Variants in TM2D1 observed in about 807,000 individuals in gnomAD.
TM2D1 encodes the protein TM2 domain-containing protein 1.
In TM2D1, 15 loss-of-function variants were observed where a neutral mutation model predicts 28.4. The observed-to-expected ratio is 0.53, with a 90% CI of 0.35 to 0.81. The LOEUF (loss-of-function observed/expected upper bound fraction) is 0.81. TM2D1 is among the 40% of genes least tolerant of loss of function. TM2D1 has a pLI of 0.01. For missense variants in TM2D1, 236 were observed against 254.9 expected, an observed-to-expected ratio of 0.93 and a Z score of 0.50; for synonymous variants, 93 against 96.2, an observed-to-expected ratio of 0.97 and a Z score of 0.20.
intron 4 of TM2D1, among the ~76,000 whole-genome samples, chr1:61,695,531 C>T (rs1260332566): frequency 1.3e-5 from 2 of 152,090 alleles, no homozygotes; most frequent in Non-Finnish European, 2.9e-5. Flanking sequence ...GAGTTTCTTA[C>T]AAGACATCTC....
intron 3 of TM2D1, among the ~76,000 whole-genome samples, chr1:61,704,286 C>T (rs1644425462): frequency 6.6e-6 from 1 of 151,546 alleles, no homozygotes; most frequent in African/African-American, 2.4e-5. Context: ...ATGAGAGAAG[C>T]CAAAGGGATG....
intron 2 of TM2D1, among the ~76,000 whole-genome samples, chr1:61,719,569 T>C (rs2148068734): frequency 6.6e-6 from 1 of 152,112 alleles, no homozygotes; most frequent in Non-Finnish European, 1.5e-5. Context: ...CTTGGCTCAC[T>C]GCAACCTCCA....
At chr1:61,721,416 C>T (rs2148070585) in intron 2 of TM2D1, among the ~76,000 whole-genome samples, 1 of 151,874 alleles carries the variant, frequency 6.6e-6, no homozygotes, top group African/African-American at 2.4e-5. Context: ...GTGGTGCACG[C>T]CTATAATCCC....
At chr1:61,690,456 C>CAAAAAAAAAA (rs762550068) in intron 5 of TM2D1, among the ~76,000 whole-genome samples, 14 of 60,024 alleles carry the variant, frequency 2.3e-4, no homozygotes, top group African/African-American at 3.8e-4. Flanking sequence ...GACTCAGTCT[C>CAAAAAAAAAA]AAAAAAAAAA....
intron 6 of TM2D1, among the ~76,000 whole-genome samples, chr1:61,682,751 G>C (rs1023755249): frequency 6.6e-6 from 1 of 152,006 alleles, no homozygotes; most frequent in Non-Finnish European, 1.5e-5. Flanking sequence ...AAGTTACCCG[G>C]GCATGGTGGT....
intron 2 of TM2D1, among the ~76,000 whole-genome samples, chr1:61,721,329 G>C (rs1415758959): frequency 6.6e-6 from 1 of 151,970 alleles, no homozygotes; most frequent in Non-Finnish European, 1.5e-5. Context: ...ATCACCTGAG[G>C]TCAGGACTTC....
At chr1:61,706,473 C>T (rs919795499) in intron 3 of TM2D1, among the ~76,000 whole-genome samples, 4 of 151,018 alleles carry the variant, frequency 2.6e-5, no homozygotes, top group African/African-American at 7.3e-5. Flanking sequence ...GCTGGGATTA[C>T]AGGTGTGAGC....
intron 4 of TM2D1, among the ~76,000 whole-genome samples, chr1:61,700,507 CA>C (rs1644393682): frequency 6.6e-6 from 1 of 152,188 alleles, no homozygotes; most frequent in Non-Finnish European, 1.5e-5. Flanking sequence ...ACCAAAGTTC[CA>C]ACCCCAACTT....
At chr1:61,709,295 A>T (rs531372886) in intron 3 of TM2D1, 34 bp downstream of exon 3, 12 of 1,302,566 alleles carry the variant, frequency 9.2e-6, no homozygotes, top group Non-Finnish European at 9.9e-6. Flanking sequence ...ATAGGCAAGT[A>T]ATCTGAAAAT....
intron 4 of TM2D1, among the ~76,000 whole-genome samples, chr1:61,696,542 CAAAAA>C (rs10710571): frequency 8.2e-6 from 1 of 121,622 alleles, no homozygotes. Context: ...AACCTTGTCT[CAAAAA>C]AAAAAAAAAA....
At chr1:61,716,563 A>C (rs902498455) in intron 2 of TM2D1, among the ~76,000 whole-genome samples, 9 of 144,336 alleles carry the variant, frequency 6.2e-5, no homozygotes, top group African/African-American at 2.2e-4. Context: ...ATATAATTTT[A>C]TATATGTATA....
In TM2D1 at chr1:61,723,756, G is replaced by T; in HGVS notation, c.195C>A (p.Asp65Glu). ...TACAGTTAACTGGTTCTTGCGTAGC[G>T]TCATTTATTTTTGGATCTTTACAAA... ...QYICKDPKIN[D>E]ATQEPVNCTN... Residue 65 changes from aspartate to glutamate, a missense_variant, in exon 2 of 7, where the codon GAC becomes GAA. This residue lies in a region of TM2D1 where 167 missense variants were observed against 162.7 expected (regional missense o/e 1.03). Coordinates refer to ENST00000606498, the MANE Select transcript of TM2D1 (RefSeq NM_032027.3). 6.4e-7 allele frequency: 1 copy of T among 1,554,024 alleles called. No homozygotes were observed. The highest frequency in any genetic ancestry group is 8.7e-7 in the Non-Finnish European group (1 of 1,142,868).
At chr1:61,687,065 T>C in intron 5 of TM2D1, 1 of 783,882 alleles carries the variant, frequency 1.3e-6, no homozygotes. Context: ...TGAAGCTGGC[T>C]GGGCACAGTG....
At chr1:61,697,251 GT>G (rs576631533) in intron 4 of TM2D1, among the ~76,000 whole-genome samples, 8 of 149,316 alleles carry the variant, frequency 5.4e-5, no homozygotes, top group Non-Finnish European at 8.9e-5. Flanking sequence ...AAACCTTCAA[GT>G]TTTTTTTTTA....
intron 2 of TM2D1, among the ~76,000 whole-genome samples, chr1:61,715,253 T>G (rs1385067997): frequency 1.3e-5 from 2 of 152,180 alleles, no homozygotes; most frequent in African/African-American, 4.8e-5. Flanking sequence ...TAGACAGATT[T>G]GGATTTAAGT....
At chr1:61,720,996 G>A (rs1015892753) in intron 2 of TM2D1, among the ~76,000 whole-genome samples, 3 of 152,076 alleles carry the variant, frequency 2.0e-5, no homozygotes, top group Admixed American at 6.6e-5. Context: ...CAAGCAGGTG[G>A]ATCGCTTGAG....
chr1:61,695,626 AAT>A (rs961709864), intron 4 of TM2D1, among the ~76,000 whole-genome samples: 1 of 152,186 alleles, frequency 6.6e-6, no homozygotes, highest in Non-Finnish European at 1.5e-5. Flanking sequence ...GCCAGCTAAA[AAT>A]CCTAAGAGAG....
intron 4 of TM2D1, among the ~76,000 whole-genome samples, chr1:61,695,858 T>A (rs1257235448): frequency 6.6e-6 from 1 of 152,226 alleles, no homozygotes; most frequent in Non-Finnish European, 1.5e-5. Context: ...CTCAAAACAT[T>A]CACTTACCTA....
At chr1:61,691,876 C>G (rs1000398432) in intron 5 of TM2D1, among the ~76,000 whole-genome samples, 3 of 141,204 alleles carry the variant, frequency 2.1e-5, no homozygotes, top group African/African-American at 7.7e-5. Context: ...GATCAAGCCA[C>G]TGCACTCCAG....
Sources: gnomAD v4.1 joint callset for allele counts (sites outside exome capture counted in the v4.1 genomes callset) on GRCh38, gnomAD v4.1.1 for gene constraint, gnomAD v4.1.1 regional missense constraint, MANE v1.5 for transcripts, NCBI Gene and HGNC (gene_info 2026-07-23, HGNC 2026-07-21) for gene names.